Variants in RAB3A observed in about 807,000 individuals in gnomAD.
RAB3A encodes RAB3A, member RAS oncogene family.
Under a neutral mutation model 19.7 loss-of-function variants are expected in RAB3A, and 5 were observed. The observed-to-expected ratio is 0.25, with a 90% CI of 0.13 to 0.53. The LOEUF (loss-of-function observed/expected upper bound fraction) is 0.53, where lower values mean the gene tolerates loss of function less well. Ranked by LOEUF, RAB3A falls within the 20% of genes least tolerant of loss-of-function variation. The probability of loss-of-function intolerance (pLI) is 0.95; values close to 1 mark genes in which losing one functional copy is unlikely to be tolerated. For synonymous variants in RAB3A, 119 were observed against 122.1 expected, an observed-to-expected ratio of 0.97 and a Z score of 0.17; for missense variants, 189 against 305.6, an observed-to-expected ratio of 0.62 and a Z score of 2.85.
At chr19:18,197,756 C>A in intron 4 of RAB3A, 96 bp from the exon 5 acceptor site, 1 of 1,041,966 alleles carries the variant, frequency 9.6e-7, no homozygotes, top group South Asian at 1.7e-5. Context: ...TGGAGATTCC[C>A]AGTGCCAAGC....
intron 1 of RAB3A, 86 bp downstream of exon 1, chr19:18,203,810 G>C (rs1319793708): frequency 6.5e-6 from 1 of 152,688 alleles, no homozygotes; most frequent in Non-Finnish European, 1.5e-5. Flanking sequence ...AGTCAACCTC[G>C]TCCCCCACCT....
At position 18,197,283 on chromosome 19, in the gene RAB3A, A is replaced by C; in HGVS notation, c.*187T>G. ...AGGAGGGGCAGGGCTTGGGGCGGGC[A>C]GGGGAGCCTGGGCCCCTGGGGGACA... is the stretch of plus-strand genomic sequence containing the variant. On this transcript the variant is annotated 3_prime_UTR_variant, in exon 5 of 5. Transcript: ENST00000222256. The C allele has an allele frequency of 1.7e-6, 1 of 592,256 alleles. No individual in the cohort carries two copies. The highest frequency in any genetic ancestry group is 3.0e-5 in the East Asian group (1 of 32,798). The allele number at this position is 592,256 out of a possible 1,614,324, so 36.7% of individuals were successfully genotyped here. A position where few individuals can be genotyped will look rare whatever the true frequency, so the allele number is the denominator to read the frequency against.
In RAB3A at chr19:18,198,898, T is replaced by A. The variant is rs778844611; in HGVS notation, c.348-49A>T. ...AGGTCAGGGCTTGGAGGATCCCAGC[T>A]CCACCCTGACGGGCTGATGTGGAGC... On this transcript the variant is annotated intron_variant, in intron 3 of 4. Transcript: ENST00000222256. 1.9e-6 allele frequency: 3 copies of A among 1,595,468 alleles called. No homozygotes were observed. The Admixed American group carries it at 5.1e-5, about 27-fold the overall frequency.
At chr19:18,198,256 T>TC (rs1967561895) in intron 4 of RAB3A, among the ~76,000 whole-genome samples, 2 of 152,170 alleles carry the variant, frequency 1.3e-5, no homozygotes. Context: ...CCCTCTGTGA[T>TC]CGGCCACATT....
chr19:18,200,301 A>T, intron 3 of RAB3A, 26 bp downstream of exon 3: 1 of 1,527,382 alleles, frequency 6.5e-7, no homozygotes, highest in Non-Finnish European at 8.8e-7. Context: ...GAAAAGAAAA[A>T]AAAAGAGCAA....
chr19:18,200,490 C>T (rs777666367), intron 2 of RAB3A, 45 bp from the exon 3 acceptor site: 1 of 1,480,842 alleles, frequency 6.8e-7, no homozygotes, highest in Non-Finnish European at 9.3e-7. Flanking sequence ...GCACATAAGG[C>T]CCTCGAAGAG....
chr19:18,200,866 C>T (rs62120385), intron 2 of RAB3A, among the ~76,000 whole-genome samples: 44,554 of 151,832 alleles, frequency 0.29, 6,943 homozygotes, highest in Non-Finnish European at 0.34. Context: ...GCCCAGGAGG[C>T]AGAGGTTGCA....
rs138348056 is a variant in RAB3A at position 18,200,296 on chromosome 19, G to GA, written c.347+30dup. On this transcript the variant is annotated intron_variant, in intron 3 of 4. Transcript: ENST00000222256. Reference sequence around the variant, plus strand: ...AAACCCTCTCTCAAAGAAAAGAAAAGAAAAAAAAAGAGCAAGTGGGGTACA... The same window carrying GA: ...AAACCCTCTCTCAAAGAAAAGAAAAGAAAAAAAAAAGAGCAAGTGGGGTACA... 6.5e-4 allele frequency: 969 copies of GA among 1,492,324 alleles called. 1 individual carries two copies. Among genetic ancestry groups the GA allele is most frequent in the Middle Eastern group, 1.8e-3 (10 of 5,702 alleles). 92.4% of individuals were successfully genotyped at this position (1,492,324 alleles called of 1,614,324 possible).
Position 18,202,824 on chromosome 19 carries a change from C to G in RAB3A, c.1-84G>C, listed in dbSNP as rs1967632311. 9.1e-7 allele frequency: 1 copy of G among 1,094,948 alleles called. No individual in the cohort carries two copies. The highest frequency in any genetic ancestry group is 1.4e-6 in the Non-Finnish European group (1 of 726,946). 67.8% of individuals were successfully genotyped at this position (1,094,948 alleles called of 1,614,324 possible). A position where few individuals can be genotyped will look rare whatever the true frequency, so the allele number is the denominator to read the frequency against. On this transcript the variant is annotated intron_variant, in intron 1 of 4. Coordinates refer to ENST00000222256, the MANE Select transcript of RAB3A (RefSeq NM_002866.5). This position sits in a 1 kb window ranked among gnomAD's most constrained non-coding sequence, Gnocchi z 4.2. The stretch of plus-strand genomic sequence containing the variant: ...AAGCCCAGGCAGAAGATGGCAAGGG[C>G]TCCAGAAAACGGCCGGTGTATGGAG...
At chr19:18,197,873 C>CTTTT (rs56264905) in intron 4 of RAB3A, among the ~76,000 whole-genome samples, 1 of 90,160 alleles carries the variant, frequency 1.1e-5, no homozygotes, top group Non-Finnish European at 2.3e-5. Flanking sequence ...GCATTTCCTG[C>CTTTT]TTTTTTTTTT....
chr19:18,203,917 G>C lies in RAB3A; in HGVS notation c.-22C>G, dbSNP rs1339778656. ...TCACCTTGCCCTGCACCGATGCAAC[G>C]GCGACCCTAGCGGCGGTGACTTTTT... On this transcript the variant is annotated 5_prime_UTR_variant, in exon 1 of 5. Transcript: ENST00000222256. 6.5e-6 allele frequency: 1 copy of C among 154,580 alleles called. No homozygotes were observed. Among genetic ancestry groups the C allele is most frequent in the African/African-American group, 2.4e-5 (1 of 41,456 alleles). The allele number at this position is 154,580 out of a possible 1,614,324, so 9.6% of individuals were successfully genotyped here.
In RAB3A at chr19:18,202,481, A is replaced by G; in HGVS notation, c.228+32T>C. ...TTTTCCAAGTACGGGAATCCAACCG[A>G]GCCGGGCGGGAGCCCTCCAGCTGGG... On this transcript the variant is annotated intron_variant, in intron 2 of 4. Transcript: ENST00000222256. The surrounding 1 kb of genome is among the most constrained non-coding windows in gnomAD (Gnocchi z 4.2). The G allele has an allele frequency of 6.3e-7, 1 of 1,596,288 alleles. No homozygotes were observed. Among genetic ancestry groups the G allele is most frequent in the Non-Finnish European group, 8.6e-7 (1 of 1,164,652 alleles).
Position 18,197,484 on chromosome 19 carries a change from C to A in RAB3A, c.649G>T (p.Asp217Tyr). 7.4e-6 allele frequency: 12 copies of A among 1,612,514 alleles called. No individual in the cohort carries two copies. The highest frequency in any genetic ancestry group is 1.0e-5 in the Non-Finnish European group (12 of 1,179,666). The part of the protein sequence containing the change: ...LSDQQVPPHQ[D>Y]CAC ...TGGGATGGCTCTCAGCAGGCGCAGTCCTGGTGCGGTGGCACCTGCTGGTCA... is the reference window on the plus strand; with the variant it reads ...TGGGATGGCTCTCAGCAGGCGCAGTACTGGTGCGGTGGCACCTGCTGGTCA... Residue 217 changes from aspartate to tyrosine, a missense_variant, in exon 5 of 5, where the codon GAC (aspartate) becomes TAC (tyrosine). By Grantham distance (160) the Asp-to-Tyr change is radical. Coordinates refer to ENST00000222256, the MANE Select transcript of RAB3A (RefSeq NM_002866.5).
rs373134297 is a variant in RAB3A at position 18,198,769 on chromosome 19, C to T, written c.428G>A (p.Arg143Gln). Residue 143 changes from arginine (R) to glutamine (Q), a missense_variant, in exon 4 of 5, where the codon CGG (arginine) becomes CAG (glutamine). Physicochemically the swap from Arg to Gln is conservative, Grantham distance 43. Coordinates refer to ENST00000222256, the MANE Select transcript of RAB3A (RefSeq NM_002866.5). ...VGNKCDMEDE[R>Q]VVSSERGRQL... The stretch of plus-strand genomic sequence containing the variant: ...CCGGCCACGTTCTGATGACACCACC[C>T]GCTCATCCTCCATGTCACACTTGTT... 8 of 1,614,148 alleles carry T rather than the reference C, an allele frequency of 5.0e-6. No homozygotes were observed. Among genetic ancestry groups the T allele is most frequent in the Non-Finnish European group, 5.9e-6 (7 of 1,180,034 alleles).
chr19:18,198,967 C>T (rs1967571950), intron 3 of RAB3A, 118 bp from the exon 4 acceptor site: 1 of 1,263,568 alleles, frequency 7.9e-7, no homozygotes, highest in Non-Finnish European at 1.1e-6. Flanking sequence ...GCTTGCCCCT[C>T]CATCCTCCCC....
chr19:18,201,574 A>C lies in RAB3A; in HGVS notation c.228+939T>G, dbSNP rs1967612568. Among the ~76,000 whole-genome samples, 4 of 152,296 alleles carry C rather than the reference A, an allele frequency of 2.6e-5. No individual in the cohort carries two copies. In the South Asian group the frequency reaches 8.3e-4, roughly 32 times the overall value. On this transcript the variant is annotated intron_variant, in intron 2 of 4. Coordinates refer to ENST00000222256, the MANE Select transcript of RAB3A (RefSeq NM_002866.5). ...GCACTCCAGCCTGGGTGACAGAGCAAAAACTCTGTCTCAAAAAACAAACAA... is the reference window on the plus strand; with the variant it reads ...GCACTCCAGCCTGGGTGACAGAGCACAAACTCTGTCTCAAAAAACAAACAA...
intron 3 of RAB3A, 140 bp from the exon 4 acceptor site, chr19:18,198,989 C>A: frequency 9.9e-7 from 1 of 1,014,252 alleles, no homozygotes; most frequent in South Asian, 1.8e-5. Context: ...CCATCCTTTC[C>A]CCCAATGTGC....
rs188869707 is a variant in RAB3A at position 18,200,803 on chromosome 19, C to T, written c.229-358G>A. ...TACAAAAATTAACAGGGTGTGGTGG[C>T]TCACACCTGTAGTCCCAACTACTCA... On this transcript the variant is annotated intron_variant, in intron 2 of 4. Coordinates refer to ENST00000222256, the MANE Select transcript of RAB3A (RefSeq NM_002866.5). Among the ~76,000 whole-genome samples, 121 of 152,174 alleles carry T rather than the reference C, an allele frequency of 8.0e-4. 3 individuals are homozygous for T. In the East Asian group the frequency reaches 0.021, roughly 27 times the overall value.
At chr19:18,198,956 A>G in intron 3 of RAB3A, 107 bp from the exon 4 acceptor site, 1 of 1,399,982 alleles carries the variant, frequency 7.1e-7, no homozygotes, top group East Asian at 2.4e-5. Context: ...AAGACCCAGA[A>G]GCTTGCCCCT....
Sources: allele counts gnomAD v4.1 joint callset (sites outside exome capture counted in the v4.1 genomes callset), GRCh38; gene constraint gnomAD v4.1.1; non-coding constraint Gnocchi (gnomAD v3.1); transcripts MANE v1.5; gene names NCBI Gene and HGNC (gene_info 2026-07-23, HGNC 2026-07-21).